MRC1: variants seen among roughly 807,000 people sequenced by gnomAD.
MRC1 encodes macrophage mannose receptor 1.
MRC1 carries 62 observed loss-of-function variants against 102.9 expected under a neutral mutation model. That is an observed-to-expected ratio of 0.60 (90% CI 0.49 to 0.74). The LOEUF is 0.74. MRC1 is among the 30% of genes least tolerant of loss of function. MRC1 has a pLI of 0.00. For synonymous variants in MRC1, 457 were observed against 298.4 expected (o/e 1.53, Z -5.48); for missense variants, 1,237 against 862.8 (o/e 1.43, Z -5.43).
intron 7 of MRC1, among the ~76,000 whole-genome samples, chr10:17,852,001 T>C (rs1838924595): frequency 6.6e-6 from 1 of 152,238 alleles, no homozygotes. Context: ...TAAATGATCA[T>C]ACATCAAGCA....
chr10:17,900,724 G>A (rs1833817887), intron 24 of MRC1, 64 bp from the exon 25 acceptor site: 3 of 779,976 alleles, frequency 3.8e-6, no homozygotes, highest in Non-Finnish European at 4.8e-6. Context: ...TTCTTGAATT[G>A]GTTCTTTTAG....
chr10:17,872,121 A>T lies in MRC1; in HGVS notation c.2339A>T (p.Gln780Leu), dbSNP rs1182638001. The T allele has an allele frequency of 5.1e-6, 4 of 780,514 alleles. No homozygotes were observed. In the African/African-American group the frequency reaches 6.8e-5, roughly 13 times the overall value. 48.3% of individuals were successfully genotyped at this position (780,514 alleles called of 1,614,324 possible). ...CTTAACAACTGGATTTGCCAGATAC[A>T]AAAAGGTATGATCACCTCTTCTCTC... ...EHLNNWICQIQKGQTPKPEPT... is the reference protein window; with the variant it reads ...EHLNNWICQILKGQTPKPEPT... Residue 780 changes from glutamine to leucine, a missense_variant, in exon 15 of 30, where the codon CAA becomes CTA. Physicochemically the swap from Gln to Leu is moderately radical, Grantham distance 113. Transcript: ENST00000569591.
intron 4 of MRC1, among the ~76,000 whole-genome samples, chr10:17,839,904 C>CAA (rs1284572664): frequency 9.3e-5 from 13 of 139,936 alleles, no homozygotes; most frequent in South Asian, 2.3e-4. Flanking sequence ...CCTAAAAATA[C>CAA]AAAAAAAAAA....
At chr10:17,850,030 TA>T (rs1359884054) in intron 7 of MRC1, among the ~76,000 whole-genome samples, 2 of 152,198 alleles carry the variant, frequency 1.3e-5, no homozygotes, top group Non-Finnish European at 2.9e-5. Context: ...TTTAAAACAT[TA>T]TTTTTTTCAT....
intron 19 of MRC1, among the ~76,000 whole-genome samples, chr10:17,880,252 A>G (rs1197304588): frequency 6.6e-6 from 1 of 152,204 alleles, no homozygotes; most frequent in Admixed American, 6.5e-5. Context: ...TTGTTAGATT[A>G]TTATGATTAG....
At chr10:17,900,749 A>G in intron 24 of MRC1, 39 bp from the exon 25 acceptor site, 2 of 780,750 alleles carry the variant, frequency 2.6e-6, no homozygotes, top group South Asian at 2.7e-5. Flanking sequence ...TTCTAAATGA[A>G]GCAAGGCTGC....
In MRC1 at chr10:17,823,467, G is replaced by A; in HGVS notation, c.455G>A (p.Gly152Asp). The A allele has an allele frequency of 1.3e-6, 1 of 780,860 alleles. No homozygotes were observed. The highest frequency in any genetic ancestry group is 2.4e-6 in the Non-Finnish European group (1 of 417,952). The allele number at this position is 780,860 out of a possible 1,614,324, so 48.4% of individuals were successfully genotyped here. A position where few individuals can be genotyped will look rare whatever the true frequency, so the allele number is the denominator to read the frequency against. ...YGTTDNLCSRGYEAMYTLLGN... is the reference protein window; with the variant it reads ...YGTTDNLCSRDYEAMYTLLGN... ...ACCACAGACAATCTGTGCTCCAGAGGTTATGAAGGTAAGATGCCTGGAATT... is the reference window on the plus strand; with the variant it reads ...ACCACAGACAATCTGTGCTCCAGAGATTATGAAGGTAAGATGCCTGGAATT... The change falls in exon 2 of 30, where the codon GGT becomes GAT. Residue 152 changes from glycine (G) to aspartate (D), a missense_variant. Gly to Asp is a moderately conservative substitution (Grantham distance 94). Transcript: ENST00000569591.
At chr10:17,871,283 C>T (rs1833351377) in intron 14 of MRC1, among the ~76,000 whole-genome samples, 5 of 152,184 alleles carry the variant, frequency 3.3e-5, no homozygotes, top group Non-Finnish European at 7.4e-5. Context: ...AGTTCTACCT[C>T]TTAATTTCAG....
At chr10:17,877,757 A>T in intron 17 of MRC1, 143 bp from the exon 18 acceptor site, 1 of 725,300 alleles carries the variant, frequency 1.4e-6, no homozygotes, top group Admixed American at 2.1e-5. Context: ...GAAGAACATA[A>T]TATAGAATGT....
chr10:17,868,597 G>C (rs928648425), intron 12 of MRC1, among the ~76,000 whole-genome samples: 3 of 152,182 alleles, frequency 2.0e-5, no homozygotes, highest in Admixed American at 6.5e-5. Flanking sequence ...TAATGATACT[G>C]TTTTCTAATA....
chr10:17,843,268 T>A (rs1429111589), intron 5 of MRC1, among the ~76,000 whole-genome samples: 2 of 152,254 alleles, frequency 1.3e-5, no homozygotes, highest in African/African-American at 2.4e-5. Context: ...ATACCTTATC[T>A]GTTAGTTCAG....
Position 17,827,390 on chromosome 10 carries a change from A to T in MRC1, c.464-152A>T, listed in dbSNP as rs1554838726. 3 of 178,376 alleles carry T rather than the reference A, an allele frequency of 1.7e-5. 1 individual carries two copies. Among genetic ancestry groups the T allele is most frequent in the Non-Finnish European group, 3.0e-5 (3 of 100,320 alleles). 11.0% of individuals were successfully genotyped at this position (178,376 alleles called of 1,614,324 possible). The stretch of plus-strand genomic sequence containing the variant: ...AAATACCCAAAAAAAAAAAAAAAAA[A>T]AAAAAAAAAAAAAAAAAAAAGAAAT... On this transcript the variant is annotated intron_variant, in intron 2 of 29. Coordinates refer to ENST00000569591, the MANE Select transcript of MRC1 (RefSeq NM_002438.4).
intron 2 of MRC1, among the ~76,000 whole-genome samples, chr10:17,824,908 T>G (rs1222852972): frequency 6.6e-6 from 1 of 152,158 alleles, no homozygotes; most frequent in Non-Finnish European, 1.5e-5. Flanking sequence ...AACTTTAATA[T>G]GCTTAAGAAT....
intron 4 of MRC1, among the ~76,000 whole-genome samples, chr10:17,839,616 C>T (rs1838720148): frequency 6.6e-6 from 1 of 151,974 alleles, no homozygotes; most frequent in African/African-American, 2.4e-5. Context: ...GGAGAGCAAC[C>T]TGAGCACCAT....
chr10:17,818,903 G>A (rs1211981188), intron 1 of MRC1, among the ~76,000 whole-genome samples: 2 of 152,180 alleles, frequency 1.3e-5, no homozygotes, highest in African/African-American at 2.4e-5. Flanking sequence ...AAGTGAGCCT[G>A]GAGAGTTTGA....
rs1554838411 is a variant in MRC1, at chr10:17,823,346, G to C, written c.334G>C (p.Gly112Arg). The C allele has an allele frequency of 1.3e-6, 1 of 780,836 alleles. No individual in the cohort carries two copies. The highest frequency in any genetic ancestry group is 2.4e-5 in the East Asian group (1 of 41,250). The allele number at this position is 780,836 out of a possible 1,614,324, so 48.4% of individuals were successfully genotyped here. A position where few individuals can be genotyped will look rare whatever the true frequency, so the allele number is the denominator to read the frequency against. Residue 112 changes from glycine (G) to arginine (R), a missense_variant, in exon 2 of 30, where the codon GGA (glycine) becomes CGA (arginine). Gly to Arg is a moderately radical substitution (Grantham distance 125). Coordinates refer to ENST00000569591, the MANE Select transcript of MRC1 (RefSeq NM_002438.4). ...AAATGACACACTTTTGGGGATCAAA[G>C]GAGAAGATTTATTTTTTAACTACGG... ...CKNDTLLGIK[G>R]EDLFFNYGNR... is the part of the protein sequence containing the mutation.
chr10:17,853,636 C>T (rs1039544873), intron 8 of MRC1, among the ~76,000 whole-genome samples: 51 of 149,930 alleles, frequency 3.4e-4, no homozygotes, highest in African/African-American at 1.2e-3. Flanking sequence ...ATTGTAGCCC[C>T]GTATATATGT....
At chr10:17,871,953 ATGG>A in intron 14 of MRC1, 26 bp from the exon 15 acceptor site, 2 of 778,896 alleles carry the variant, frequency 2.6e-6, no homozygotes, top group South Asian at 2.7e-5. Flanking sequence ...CAAATGGTTA[ATGG>A]TTGTAGTTTA....
intron 12 of MRC1, among the ~76,000 whole-genome samples, chr10:17,868,653 A>G (rs1172938766): frequency 6.6e-6 from 1 of 152,212 alleles, no homozygotes; most frequent in Non-Finnish European, 1.5e-5. Flanking sequence ...TGAATGGCAT[A>G]TGGCCATGAC....
Sources: gnomAD v4.1 joint callset for allele counts (sites outside exome capture counted in the v4.1 genomes callset) on GRCh38, gnomAD v4.1.1 for gene constraint, MANE v1.5 for transcripts, NCBI Gene and HGNC (gene_info 2026-07-23, HGNC 2026-07-21) for gene names.